The following SLC4A4 variants were observed in gnomAD, a reference collection of about 807,000 sequenced individuals.
SLC4A4 encodes the protein electrogenic sodium bicarbonate cotransporter 1.
SLC4A4 carries 27 observed loss-of-function variants against 111.5 expected under a neutral mutation model. The ratio of observed to expected loss-of-function variants is 0.24; its 90% CI spans 0.18 to 0.33. The LOEUF (loss-of-function observed/expected upper bound fraction) is 0.33, where lower values mean the gene tolerates loss of function less well. Ranked by LOEUF, SLC4A4 falls within the 10% of genes least tolerant of loss-of-function variation. The pLI, the probability that SLC4A4 is intolerant of heterozygous loss-of-function variation, is 1.00. For synonymous variants in SLC4A4, 443 were observed against 463.4 expected, an observed-to-expected ratio of 0.96 and a Z score of 0.57; for missense variants, 909 against 1,315.5, an observed-to-expected ratio of 0.69 and a Z score of 4.78.
intron 3 of SLC4A4, among the ~76,000 whole-genome samples, chr4:71,273,149 C>G (rs1203262611): frequency 6.6e-6 from 1 of 152,180 alleles, no homozygotes. Flanking sequence ...TAATTATTAA[C>G]TCCATTTTAT....
At chr4:71,360,596 A>C (rs1020710510) in intron 6 of SLC4A4, among the ~76,000 whole-genome samples, 2 of 152,176 alleles carry the variant, frequency 1.3e-5, no homozygotes, top group Non-Finnish European at 2.9e-5. Flanking sequence ...GTTAACATAC[A>C]TAATAATATT....
intron 2 of SLC4A4, among the ~76,000 whole-genome samples, chr4:71,159,215 T>C (rs1744557343): frequency 6.6e-6 from 1 of 152,214 alleles, no homozygotes; most frequent in African/African-American, 2.4e-5. Context: ...GCATTGTGGA[T>C]AGCTGAATGG....
intron 2 of SLC4A4, among the ~76,000 whole-genome samples, chr4:71,121,140 G>T (rs1207096829): frequency 6.6e-6 from 1 of 152,148 alleles, no homozygotes; most frequent in Non-Finnish European, 1.5e-5. Context: ...TCGAATTCTT[G>T]CAGGGCCTCA....
At chr4:71,445,943 A>G (rs1725189774) in intron 8 of SLC4A4, among the ~76,000 whole-genome samples, 1 of 152,194 alleles carries the variant, frequency 6.6e-6, no homozygotes, top group Admixed American at 6.5e-5. Flanking sequence ...GCTGAAATTC[A>G]ATTCAAATAA....
intron 1 of SLC4A4, among the ~76,000 whole-genome samples, chr4:71,195,535 G>A (rs1212504584): frequency 1.3e-5 from 2 of 151,788 alleles, no homozygotes; most frequent in Non-Finnish European, 2.9e-5. Context: ...AAATACAAGG[G>A]GTAGTTATGG....
In SLC4A4 at chr4:71,533,879, C is replaced by A. The variant is rs75512873; in HGVS notation, c.2281-348C>A. Among the ~76,000 whole-genome samples, 681 of 151,942 alleles carry A rather than the reference C, an allele frequency of 4.5e-3. 6 individuals are homozygous for A. Among genetic ancestry groups the A allele is most frequent in the African/African-American group, 0.016 (660 of 41,438 alleles). On this transcript the variant is annotated intron_variant, in intron 17 of 25. Transcript: ENST00000264485. ...TTACCTTTTACTTTTTACTTGCTAC[C>A]TTTTTACCTTTTTACATTTGGAGTT... is the stretch of plus-strand genomic sequence containing the variant.
chr4:71,333,583 G>T (rs1175483199), intron 3 of SLC4A4, among the ~76,000 whole-genome samples: 2 of 152,228 alleles, frequency 1.3e-5, no homozygotes, highest in African/African-American at 4.8e-5. Flanking sequence ...CAGTCACCAT[G>T]TGGTGAATCC....
At chr4:71,198,032 ATGT>A (rs371669779) in intron 1 of SLC4A4, among the ~76,000 whole-genome samples, 9 of 152,232 alleles carry the variant, frequency 5.9e-5, no homozygotes, top group Non-Finnish European at 8.8e-5. Flanking sequence ...TGAAGTCCAA[ATGT>A]TGTTCCTATA....
At chr4:71,357,937 T>A (rs1730429876) in intron 6 of SLC4A4, among the ~76,000 whole-genome samples, 1 of 152,018 alleles carries the variant, frequency 6.6e-6, no homozygotes, top group African/African-American at 2.4e-5. Flanking sequence ...GTATGGAAAA[T>A]GAAGGTATGA....
chr4:71,371,628 A>G (rs1464092719), intron 6 of SLC4A4, among the ~76,000 whole-genome samples: 2 of 152,144 alleles, frequency 1.3e-5, no homozygotes, highest in Non-Finnish European at 2.9e-5. Flanking sequence ...AATAGTTCTT[A>G]TAAACACAGA....
At chr4:71,352,918 T>A (rs148553291) in intron 5 of SLC4A4, among the ~76,000 whole-genome samples, 35 of 152,250 alleles carry the variant, frequency 2.3e-4, no homozygotes, top group African/African-American at 7.2e-4. Context: ...GCAAGGGTGA[T>A]GAAAGTTAAA....
chr4:71,303,318 G>A (rs151088869), intron 3 of SLC4A4, among the ~76,000 whole-genome samples: 27 of 152,210 alleles, frequency 1.8e-4, no homozygotes, highest in Non-Finnish European at 3.4e-4. Context: ...TAGCCCAAAT[G>A]GCATTTGCAC....
Position 71,567,985 on chromosome 4 carries a change from A to C in SLC4A4, c.*234A>C, listed in dbSNP as rs1737652481. ...TATTTTTTAACTTTTATTTCGTCTC[A>C]GTTTTTGGTCACAGGCCAAATAATA... is the stretch of plus-strand genomic sequence containing the variant. On this transcript the variant is annotated 3_prime_UTR_variant, in exon 26 of 26. Coordinates refer to ENST00000264485, the MANE Select transcript of SLC4A4 (RefSeq NM_001098484.3). 3.7e-6 allele frequency: 3 copies of C among 809,892 alleles called. No individual in the cohort carries two copies. In the African/African-American group the frequency reaches 5.3e-5, roughly 14 times the overall value. 50.2% of individuals were successfully genotyped at this position (809,892 alleles called of 1,614,324 possible). A position where few individuals can be genotyped will look rare whatever the true frequency, so the allele number is the denominator to read the frequency against.
At chr4:71,102,621 T>A (rs1458832203) in intron 2 of SLC4A4, among the ~76,000 whole-genome samples, 1 of 151,800 alleles carries the variant, frequency 6.6e-6, no homozygotes, top group Admixed American at 6.6e-5. Flanking sequence ...ATATTCAACA[T>A]TCTTAAAGAA....
At chr4:71,378,678 A>G (rs1369081857) in intron 6 of SLC4A4, among the ~76,000 whole-genome samples, 1 of 152,236 alleles carries the variant, frequency 6.6e-6, no homozygotes, top group Non-Finnish European at 1.5e-5. Flanking sequence ...CCAGCTACAG[A>G]TATCAATTTC....
intron 6 of SLC4A4, among the ~76,000 whole-genome samples, chr4:71,374,500 TA>T (rs761834497): frequency 9.3e-4 from 142 of 152,332 alleles, no homozygotes; most frequent in Non-Finnish European, 1.3e-3. Context: ...ACAACATTCT[TA>T]AGATACAGGC....
At chr4:71,102,164 G>A (rs1047384876) in intron 2 of SLC4A4, among the ~76,000 whole-genome samples, 2 of 151,770 alleles carry the variant, frequency 1.3e-5, no homozygotes, top group Admixed American at 6.6e-5. Flanking sequence ...TGGAAGAAAG[G>A]GTATCAGCAA....
At chr4:71,451,155 T>C in intron 10 of SLC4A4, 33 bp from the exon 11 acceptor site, 1 of 1,344,872 alleles carries the variant, frequency 7.4e-7, no homozygotes, top group Non-Finnish European at 1.1e-6. Context: ...TAAAATAAAC[T>C]AATATACTCT....
intron 2 of SLC4A4, among the ~76,000 whole-genome samples, chr4:71,120,537 C>A (rs970067219): frequency 6.6e-6 from 1 of 152,122 alleles, no homozygotes; most frequent in Non-Finnish European, 1.5e-5. Context: ...GCCTGGTAAT[C>A]GCTTTATATC....
Sources: gnomAD v4.1 joint callset for allele counts (sites outside exome capture counted in the v4.1 genomes callset) on GRCh38, gnomAD v4.1.1 for gene constraint, MANE v1.5 for transcripts, NCBI Gene and HGNC (gene_info 2026-07-23, HGNC 2026-07-21) for gene names.